The following WDR62 variants were observed in gnomAD, a reference collection of about 807,000 sequenced individuals.
WDR62 encodes WD repeat-containing protein 62.
In WDR62, 112 loss-of-function variants were observed where a neutral mutation model predicts 160.6. The ratio of observed to expected loss-of-function variants is 0.70; its 90% CI spans 0.60 to 0.82. The LOEUF (loss-of-function observed/expected upper bound fraction) is 0.82. Among genes scored for constraint, WDR62 ranks in the 40% least tolerant of loss-of-function variants. The probability of loss-of-function intolerance (pLI) is 0.00; values close to 1 mark genes in which losing one functional copy is unlikely to be tolerated. For missense variants in WDR62, 1,819 were observed against 1,983.8 expected, an observed-to-expected ratio of 0.92 and a Z score of 1.58; for synonymous variants, 792 against 815.1, an observed-to-expected ratio of 0.97 and a Z score of 0.48.
intron 3 of WDR62, among the ~76,000 whole-genome samples, chr19:36,062,847 G>T (rs1225573439): frequency 6.6e-6 from 1 of 152,024 alleles, no homozygotes; most frequent in African/African-American, 2.4e-5. Flanking sequence ...GTCCTTTATG[G>T]CCAAAGGATT....
intron 5 of WDR62, 83 bp from the exon 6 acceptor site, chr19:36,067,222 AG>A: frequency 1.3e-6 from 2 of 1,584,884 alleles, no homozygotes; most frequent in Non-Finnish European, 1.7e-6. Context: ...GGGGACGAGC[AG>A]GGAGTTCCAG....
At chr19:36,064,816 G>A (rs938270723) in intron 3 of WDR62, among the ~76,000 whole-genome samples, 4 of 151,890 alleles carry the variant, frequency 2.6e-5, no homozygotes, top group Non-Finnish European at 5.9e-5. Context: ...GACCTCAAGT[G>A]AACCACCCAC....
Position 36,054,962 on chromosome 19 carries a change from C to A in WDR62, c.-10C>A, listed in dbSNP as rs756561404. 6.3e-7 allele frequency: 1 copy of A among 1,587,410 alleles called. No individual in the cohort carries two copies. Among genetic ancestry groups the A allele is most frequent in the Non-Finnish European group, 8.6e-7 (1 of 1,168,288 alleles). ...AGGGGATGTAACGGTCGCCCGCCTC[C>A]GGCGTGACGATGGCGGCCGTAGGGT... is the stretch of plus-strand genomic sequence containing the variant. On this transcript the variant is annotated 5_prime_UTR_variant, in exon 1 of 32. Coordinates refer to ENST00000401500, the MANE Select transcript of WDR62 (RefSeq NM_001083961.2).
chr19:36,067,589 A>G, intron 6 of WDR62, 146 bp downstream of exon 6: 1 of 1,276,296 alleles, frequency 7.8e-7, no homozygotes, highest in Non-Finnish European at 1.1e-6. Flanking sequence ...TTCTGGGCCT[A>G]CTCTCAGGGT....
intron 9 of WDR62, among the ~76,000 whole-genome samples, chr19:36,079,470 T>C (rs1239163280): frequency 6.6e-6 from 1 of 152,226 alleles, no homozygotes; most frequent in East Asian, 1.9e-4. Flanking sequence ...TCCTCTTTAC[T>C]TTATTTCTTC....
chr19:36,098,568 A>AC (rs1239886167), intron 21 of WDR62, among the ~76,000 whole-genome samples: 4 of 151,930 alleles, frequency 2.6e-5, no homozygotes, highest in Non-Finnish European at 5.9e-5. Context: ...CCTCTCAAAA[A>AC]AAAAAAAAAA....
At chr19:36,079,515 T>C (rs1385152124) in intron 9 of WDR62, among the ~76,000 whole-genome samples, 2 of 152,252 alleles carry the variant, frequency 1.3e-5, no homozygotes, top group African/African-American at 2.4e-5. Context: ...TCATTTCTAC[T>C]CTTAGCAGTT....
At chr19:36,086,099 G>A (rs374914341) in intron 12 of WDR62, among the ~76,000 whole-genome samples, 6 of 151,920 alleles carry the variant, frequency 3.9e-5, no homozygotes, top group African/African-American at 1.4e-4. Flanking sequence ...TTCTTCTTTC[G>A]TTCTCTCATC....
At chr19:36,102,323 C>G in intron 26 of WDR62, 172 bp downstream of exon 26, 1 of 930,686 alleles carries the variant, frequency 1.1e-6, no homozygotes, top group Admixed American at 2.0e-5. Flanking sequence ...TGCGGTGGCC[C>G]AATCTTGGCT....
chr19:36,058,928 C>T (rs749641408), intron 2 of WDR62, 57 bp downstream of exon 2: 26 of 1,427,772 alleles, frequency 1.8e-5, no homozygotes, highest in Non-Finnish European at 2.5e-5. Context: ...GAGCTTGGAA[C>T]CTGAAGCCAT....
intron 18 of WDR62, among the ~76,000 whole-genome samples, chr19:36,091,863 C>CA (rs1168350710): frequency 4.0e-5 from 6 of 151,368 alleles, no homozygotes; most frequent in African/African-American, 1.5e-4. Flanking sequence ...GCCTTGGTGA[C>CA]AGAGCAAGAC....
chr19:36,098,021 C>G (rs1973080352), intron 21 of WDR62, among the ~76,000 whole-genome samples: 1 of 152,160 alleles, frequency 6.6e-6, no homozygotes. Flanking sequence ...GACGAATGTT[C>G]TAGTCATAAC....
intron 21 of WDR62, among the ~76,000 whole-genome samples, chr19:36,097,394 G>T (rs1175456686): frequency 6.6e-6 from 1 of 152,210 alleles, no homozygotes; most frequent in Non-Finnish European, 1.5e-5. Context: ...GCTGATAAGT[G>T]CTGTGGAGGG....
At chr19:36,081,694 C>A in intron 10 of WDR62, 124 bp downstream of exon 10, 1 of 1,317,792 alleles carries the variant, frequency 7.6e-7, no homozygotes, top group Non-Finnish European at 1.1e-6. Flanking sequence ...CAAGAGCCGG[C>A]AACCAAGGCA....
chr19:36,076,231 A>G (rs1392465236), intron 9 of WDR62, among the ~76,000 whole-genome samples: 12 of 151,528 alleles, frequency 7.9e-5, no homozygotes, highest in Non-Finnish European at 1.6e-4. Flanking sequence ...CCTGTCACAC[A>G]TCAGGAATCA....
chr19:36,073,039 T>G (rs1163613766), intron 8 of WDR62, among the ~76,000 whole-genome samples: 1 of 152,134 alleles, frequency 6.6e-6, no homozygotes, highest in Non-Finnish European at 1.5e-5. Context: ...CCTATTATCT[T>G]TCTATGCTCA....
Position 36,104,454 on chromosome 19 carries a change from C to T in WDR62, c.4154-64C>T, listed in dbSNP as rs1226698164. 3.1e-5 allele frequency: 50 copies of T among 1,593,546 alleles called. 1 individual carries two copies. The East Asian group carries it at 5.6e-4, about 18-fold the overall frequency. Reference sequence around the variant, plus strand: ...AAGTACAGCATGGAGTCCACCCAGTCGCTCTGGCCGCTCACACCAATGGAA... The same window carrying T: ...AAGTACAGCATGGAGTCCACCCAGTTGCTCTGGCCGCTCACACCAATGGAA... On this transcript the variant is annotated intron_variant, in intron 30 of 31. Coordinates refer to ENST00000401500, the MANE Select transcript of WDR62 (RefSeq NM_001083961.2).
chr19:36,080,482 A>C (rs1341477409), intron 9 of WDR62, among the ~76,000 whole-genome samples: 1 of 150,188 alleles, frequency 6.7e-6, no homozygotes, highest in Non-Finnish European at 1.5e-5. Flanking sequence ...ACTGGAGTGC[A>C]ATGGCGCGAT....
Position 36,103,199 on chromosome 19 carries a change from G to A in WDR62, c.3506G>A (p.Arg1169His), listed in dbSNP as rs751622020. 23 of 1,613,640 alleles carry A rather than the reference G, an allele frequency of 1.4e-5. No individual in the cohort carries two copies. The highest frequency in any genetic ancestry group is 1.7e-5 in the Non-Finnish European group (20 of 1,179,980). The change falls in exon 29 of 32, where the codon CGC (arginine) becomes CAC (histidine). Residue 1169 changes from arginine to histidine, a missense_variant. This residue lies in a region of WDR62 where 770 missense variants were observed against 734.2 expected (regional missense o/e 1.05). Coordinates refer to ENST00000401500, the MANE Select transcript of WDR62 (RefSeq NM_001083961.2). ...GCTGAAGAGACCCTGGAGGCCTGGC[G>A]CCCACCACGTGAGTGCCCCAGTCCC... ...GKAEETLEAW[R>H]PPPPCLTSLA... is the part of the protein sequence containing the mutation.
Sources: gnomAD v4.1 joint callset for allele counts (sites outside exome capture counted in the v4.1 genomes callset) on GRCh38, gnomAD v4.1.1 for gene constraint, gnomAD v4.1.1 regional missense constraint, MANE v1.5 for transcripts, NCBI Gene and HGNC (gene_info 2026-07-23, HGNC 2026-07-21) for gene names.